Variants in PPP1R9A observed in about 807,000 individuals in gnomAD.
The protein encoded by PPP1R9A is neurabin-1.
PPP1R9A carries 59 observed loss-of-function variants against 141.9 expected under a neutral mutation model. The observed-to-expected ratio is 0.42, with a 90% CI of 0.34 to 0.52. The LOEUF (loss-of-function observed/expected upper bound fraction) is 0.52, where lower values mean the gene tolerates loss of function less well. PPP1R9A is among the 20% of genes least tolerant of loss of function. PPP1R9A has a pLI of 0.10. For synonymous variants in PPP1R9A, 500 were observed against 569.7 expected (o/e 0.88, Z 1.74); for missense variants, 1,444 against 1,611.9 (o/e 0.90, Z 1.78).
At chr7:94,969,894 G>A (rs901750494) in intron 2 of PPP1R9A, among the ~76,000 whole-genome samples, 2 of 152,152 alleles carry the variant, frequency 1.3e-5, no homozygotes, top group African/African-American at 4.8e-5. Flanking sequence ...CCTTTGCTGA[G>A]CTGTGTTGGG....
intron 2 of PPP1R9A, among the ~76,000 whole-genome samples, chr7:94,976,965 A>T (rs1202751659): frequency 6.6e-6 from 1 of 152,086 alleles, no homozygotes; most frequent in Non-Finnish European, 1.5e-5. Context: ...GTTGCGATAT[A>T]TTGGGAAGGT....
Position 95,273,967 on chromosome 7 carries a change from C to T in PPP1R9A, c.3193C>T (p.Arg1065Trp), listed in dbSNP as rs745565393. The change falls in exon 15 of 20, where the codon CGG (arginine) becomes TGG (tryptophan). Residue 1065 changes from arginine to tryptophan, a missense_variant. Transcript: ENST00000433360. ...SLAVQGGKIK[R>W]KFVDLGAPLR... ...GGCGGTGCAAGGAGGAAAAATTAAG[C>T]GGAAGTTTGTGGATCTGGGGTAAGC... The T allele has an allele frequency of 6.6e-6, 10 of 1,504,424 alleles. No homozygotes were observed. The African/African-American group carries it at 9.6e-5, about 14-fold the overall frequency. 93.2% of individuals were successfully genotyped at this position (1,504,424 alleles called of 1,614,324 possible).
At chr7:95,028,904 C>T (rs1445090576) in intron 2 of PPP1R9A, among the ~76,000 whole-genome samples, 1 of 152,138 alleles carries the variant, frequency 6.6e-6, no homozygotes, top group Non-Finnish European at 1.5e-5. Flanking sequence ...ACTCTTTAGA[C>T]CTGCTTGGAC....
Position 94,911,526 on chromosome 7 carries a change from A to T in PPP1R9A, c.1395+18A>T, listed in dbSNP as rs754679189. The T allele has an allele frequency of 1.3e-6, 2 of 1,568,450 alleles. No individual in the cohort carries two copies. The highest frequency in any genetic ancestry group is 3.4e-5 in the Admixed American group (2 of 58,090). On this transcript the variant is annotated intron_variant, in intron 2 of 19. Transcript: ENST00000433360. ...CTATTAAGGTAAGTGTGTTTTCTCC[A>T]TTTTGTTTTCTAAATTTGTTTTTAG...
At chr7:95,143,702 C>T (rs545880573) in intron 4 of PPP1R9A, among the ~76,000 whole-genome samples, 5 of 152,140 alleles carry the variant, frequency 3.3e-5, no homozygotes, top group Admixed American at 2.6e-4. Context: ...AGGCTAAGAG[C>T]TAATACATTA....
chr7:94,936,838 C>T (rs1794822444), intron 2 of PPP1R9A, among the ~76,000 whole-genome samples: 1 of 152,010 alleles, frequency 6.6e-6, no homozygotes. Flanking sequence ...TTAATTGCTT[C>T]CTTGACTTTG....
chr7:95,151,117 TAAAC>T (rs886988092), intron 4 of PPP1R9A, among the ~76,000 whole-genome samples: 4 of 152,134 alleles, frequency 2.6e-5, no homozygotes, highest in African/African-American at 9.7e-5. Flanking sequence ...TTAATGAAAA[TAAAC>T]ACACTCTCAT....
chr7:95,056,681 T>G (rs1165782452), intron 2 of PPP1R9A, among the ~76,000 whole-genome samples: 1 of 152,144 alleles, frequency 6.6e-6, no homozygotes, highest in African/African-American at 2.4e-5. Flanking sequence ...CAAGTTTGCC[T>G]GAAGTAATAC....
At chr7:95,190,433 C>A (rs1020800565) in intron 5 of PPP1R9A, among the ~76,000 whole-genome samples, 63 of 152,314 alleles carry the variant, frequency 4.1e-4, no homozygotes, top group African/African-American at 1.4e-3. Context: ...GTTGGCAGGG[C>A]TGTGAAATAG....
intron 8 of PPP1R9A, among the ~76,000 whole-genome samples, chr7:95,243,885 G>T (rs1015707317): frequency 6.6e-6 from 1 of 152,068 alleles, no homozygotes; most frequent in African/African-American, 2.4e-5. Context: ...ACCATGGGCT[G>T]GGATTTCTAA....
chr7:95,181,629 C>CAT (rs1162127450), intron 5 of PPP1R9A, among the ~76,000 whole-genome samples: 4 of 134,306 alleles, frequency 3.0e-5, no homozygotes, highest in Non-Finnish European at 6.2e-5. Context: ...TATTCCATCA[C>CAT]ATATATATAG....
At chr7:95,252,174 A>G in intron 12 of PPP1R9A, 44 bp downstream of exon 12, 7 of 1,490,236 alleles carry the variant, frequency 4.7e-6, no homozygotes, top group African/African-American at 1.4e-5. Flanking sequence ...ATGACTGTGT[A>G]ATTTGGCCTT....
At position 94,990,116 on chromosome 7, in the gene PPP1R9A, T is replaced by C. The variant is rs533955064; in HGVS notation, c.1395+78608T>C. On this transcript the variant is annotated intron_variant, in intron 2 of 19. Transcript: ENST00000433360. ...CTAGCGAATTTAAGAAGCTGGGTGA[T>C]GTAATATAAAGAGCCCTGGATTTAG... Among the ~76,000 whole-genome samples the C allele has an allele frequency of 1.0e-3, 159 of 152,232 alleles. 2 individuals are homozygous for C. The South Asian group carries it at 0.017, about 16-fold the overall frequency.
At position 94,953,897 on chromosome 7, in the gene PPP1R9A, A is replaced by G. The variant is rs559363303; in HGVS notation, c.1395+42389A>G. On this transcript the variant is annotated intron_variant, in intron 2 of 19. Coordinates refer to ENST00000433360, the MANE Select transcript of PPP1R9A (RefSeq NM_001166160.2). ...GGTTTTCTAAATATATAATCATGTCATCTGCAAACAGAGACAATTTGACTT... is the reference window on the plus strand; with the variant it reads ...GGTTTTCTAAATATATAATCATGTCGTCTGCAAACAGAGACAATTTGACTT... Among the ~76,000 whole-genome samples, 11 of 152,156 alleles carry G rather than the reference A, an allele frequency of 7.2e-5. No individual in the cohort carries two copies. In the South Asian group the frequency reaches 1.0e-3, roughly 14 times the overall value.
chr7:95,251,374 C>G (rs1798849623), intron 10 of PPP1R9A, among the ~76,000 whole-genome samples: 1 of 152,090 alleles, frequency 6.6e-6, no homozygotes, highest in Non-Finnish European at 1.5e-5. Flanking sequence ...TTTTCGAACT[C>G]TTATCTAGTT....
intron 7 of PPP1R9A, among the ~76,000 whole-genome samples, chr7:95,218,984 G>C (rs1189600125): frequency 1.3e-5 from 2 of 152,096 alleles, no homozygotes; most frequent in Non-Finnish European, 2.9e-5. Context: ...GGTTAATATT[G>C]TTATGTGTGA....
chr7:94,979,740 T>C (rs1049741171), intron 2 of PPP1R9A, among the ~76,000 whole-genome samples: 3 of 152,192 alleles, frequency 2.0e-5, no homozygotes, highest in African/African-American at 7.2e-5. Context: ...TACTCAGCTT[T>C]TGTTTTTAAT....
At chr7:95,045,488 T>C (rs1809879605) in intron 2 of PPP1R9A, among the ~76,000 whole-genome samples, 1 of 152,222 alleles carries the variant, frequency 6.6e-6, no homozygotes, top group Non-Finnish European at 1.5e-5. Flanking sequence ...GTACACATGC[T>C]CACTTGAGGC....
chr7:95,049,383 C>CT (rs1414907336), intron 2 of PPP1R9A, among the ~76,000 whole-genome samples: 1 of 152,094 alleles, frequency 6.6e-6, no homozygotes, highest in Non-Finnish European at 1.5e-5. Context: ...ATAGGCTTTA[C>CT]TTTTTAGAGC....
Sources: allele counts gnomAD v4.1 joint callset (sites outside exome capture counted in the v4.1 genomes callset), GRCh38; gene constraint gnomAD v4.1.1; transcripts MANE v1.5; gene names NCBI Gene and HGNC (gene_info 2026-07-23, HGNC 2026-07-21).